Variants in OR10D3 observed in about 807,000 individuals in gnomAD.
The protein encoded by OR10D3 is olfactory receptor family 10 subfamily D member 3.
For synonymous variants in OR10D3, 100 were observed against 57.6 expected, an observed-to-expected ratio of 1.74 and a Z score of -3.33; for missense variants, 286 against 153.7, an observed-to-expected ratio of 1.86 and a Z score of -4.55.
At position 124,187,042 on chromosome 11, in the gene OR10D3, T is replaced by C. The variant is rs551214551; in HGVS notation, c.*834T>C. 11 of 152,336 alleles carry C rather than the reference T, an allele frequency of 7.2e-5. No individual in the cohort carries two copies. In the South Asian group the frequency reaches 2.3e-3, roughly 32 times the overall value. 9.4% of individuals were successfully genotyped at this position (152,336 alleles called of 1,614,324 possible). ...TTAGTGAGAACTTTCTGTTTAGTTATCATATGTATTAGATTTCTAGGTAAG... is the reference window on the plus strand; with the variant it reads ...TTAGTGAGAACTTTCTGTTTAGTTACCATATGTATTAGATTTCTAGGTAAG... On this transcript the variant is annotated 3_prime_UTR_variant, in exon 2 of 2. Transcript: ENST00000641351.
At chr11:124,186,475 G>T in exon 2 of OR10D3, 1 of 248,770 alleles carries the variant, frequency 4.0e-6, no homozygotes. Context: ...CCTGTCCCTG[G>T]AAGGAAGATC....
chr11:124,185,796 ACTT>A (rs1861217296), exon 2 of OR10D3: 1 of 703,504 alleles, frequency 1.4e-6, no homozygotes, highest in Non-Finnish European at 2.6e-6. Context: ...GAAGTGGATC[ACTT>A]CTTCTGTGAC....
chr11:124,185,558 T>A, exon 2 of OR10D3: 1 of 703,512 alleles, frequency 1.4e-6, no homozygotes, highest in Non-Finnish European at 2.6e-6. Context: ...CTACAAAGAC[T>A]GTGTCTGCCA....
At chr11:124,185,615 A>G in exon 2 of OR10D3, 1 of 703,476 alleles carries the variant, frequency 1.4e-6, no homozygotes, top group East Asian at 2.7e-5. Flanking sequence ...CTTCTTGTTT[A>G]CGGTGATGGC....
Position 124,185,523 on chromosome 11 carries a change from T to G in OR10D3, c.254T>G (p.Leu85Arg), listed in dbSNP as rs1226516229. ...ACTTGTCCCAAAATGCTGCTCTACC[T>G]TATGGGGCTGAGCCGACTCATCTCC... Residue 85 changes from leucine to arginine, a missense_variant, in exon 2 of 2, where the codon CTT (leucine) becomes CGT (arginine). Leu to Arg is a moderately radical substitution (Grantham distance 102, BLOSUM62 -2). Coordinates refer to ENST00000641351, the Ensembl canonical transcript of OR10D3. 3 of 703,392 alleles carry G rather than the reference T, an allele frequency of 4.3e-6. No individual in the cohort carries two copies. In the East Asian group the frequency reaches 8.0e-5, roughly 19 times the overall value. The allele number at this position is 703,392 out of a possible 1,614,324, so 43.6% of individuals were successfully genotyped here. A position where few individuals can be genotyped will look rare whatever the true frequency, so the allele number is the denominator to read the frequency against.
exon 2 of OR10D3, chr11:124,188,356 A>G (rs1565302905): frequency 1.3e-5 from 2 of 152,286 alleles, no homozygotes; most frequent in Non-Finnish European, 2.9e-5. Flanking sequence ...GATTGCTGGA[A>G]GGAGGAGAGA....
chr11:124,187,946 A>G (rs1212979225), exon 2 of OR10D3: 1 of 152,210 alleles, frequency 6.6e-6, no homozygotes, highest in Non-Finnish European at 1.5e-5. Context: ...ACGCTTAAAC[A>G]CTAAGAAACT....
intron 1 of OR10D3, among the ~76,000 whole-genome samples, chr11:124,184,786 C>T (rs886614457): frequency 6.6e-5 from 10 of 152,142 alleles, no homozygotes; most frequent in African/African-American, 2.4e-4. Flanking sequence ...CAGGGATCAA[C>T]CTTTATGATT....
exon 2 of OR10D3, chr11:124,185,830 G>C (rs761773309): frequency 1.0e-5 from 7 of 703,502 alleles, no homozygotes; most frequent in Non-Finnish European, 1.8e-5. Flanking sequence ...TGTTGCCCTT[G>C]GCCTGTGCTG....
chr11:124,183,454 CTCTCTCTTTCTCTT>C (rs1403658619), intron 1 of OR10D3, 71 bp downstream of exon 1: 4 of 150,852 alleles, frequency 2.7e-5, no homozygotes, highest in African/African-American at 9.8e-5. Flanking sequence ...CTCTCTCTTT[CTCTCTCTTTCTCTT>C]TCTTTCTCTT....
chr11:124,188,529 C>G (rs555930568), exon 2 of OR10D3: 1 of 152,324 alleles, frequency 6.6e-6, no homozygotes, highest in East Asian at 1.9e-4. Context: ...ATTTCTCACC[C>G]GATCTGGGCA....
exon 2 of OR10D3, chr11:124,185,418 T>G (rs553746057): frequency 1.4e-6 from 1 of 703,174 alleles, no homozygotes; most frequent in African/African-American, 1.7e-5. Flanking sequence ...GTTGCTGTTA[T>G]GTCTTCTGCT....
chr11:124,184,575 C>G (rs886367527), intron 1 of OR10D3, among the ~76,000 whole-genome samples: 2 of 151,922 alleles, frequency 1.3e-5, no homozygotes, highest in African/African-American at 4.8e-5. Flanking sequence ...CCATCCAGAC[C>G]CGGGGGAAAG....
exon 2 of OR10D3, chr11:124,185,609 T>C (rs1861213114): frequency 1.4e-6 from 1 of 703,612 alleles, no homozygotes; most frequent in Non-Finnish European, 2.6e-6. Context: ...TGAGTGCTTC[T>C]TGTTTACGGT....
chr11:124,188,176 A>G (rs927450339), exon 2 of OR10D3: 5 of 152,262 alleles, frequency 3.3e-5, no homozygotes, highest in African/African-American at 1.2e-4. Context: ...ATCTCACTGC[A>G]GCAGAGGCCA....
At chr11:124,184,865 G>A (rs748700622) in intron 1 of OR10D3, among the ~76,000 whole-genome samples, 13 of 152,024 alleles carry the variant, frequency 8.6e-5, no homozygotes, top group Admixed American at 1.3e-4. Flanking sequence ...GATGATTCCC[G>A]AATTGTGGTT....
rs1233680840 is a variant in OR10D3, at chr11:124,185,430, G to A, written c.161G>A (p.Arg54His). 29 of 703,006 alleles carry A rather than the reference G, an allele frequency of 4.1e-5. No homozygotes were observed. The East Asian group carries it at 4.3e-4, about 10-fold the overall frequency. 43.5% of individuals were successfully genotyped at this position (703,006 alleles called of 1,614,324 possible). The change falls in exon 2 of 2, where the codon CGC (arginine) becomes CAC (histidine). Residue 54 changes from arginine to histidine, a missense_variant. Physicochemically the swap from Arg to His is conservative, Grantham distance 29. Coordinates refer to ENST00000641351, the Ensembl canonical transcript of OR10D3. ...CTTGTTGCTGTTATGTCTTCTGCTC[G>A]CCTTCACACACCTATGTATTTCTTC...
intron 1 of OR10D3, 185 bp from the exon 2 acceptor site, chr11:124,185,074 A>C (rs773172747): frequency 1.8e-5 from 10 of 561,044 alleles, no homozygotes; most frequent in Non-Finnish European, 2.2e-5. Flanking sequence ...ACAGAAATGT[A>C]GTTGGCTATG....
intron 1 of OR10D3, among the ~76,000 whole-genome samples, chr11:124,183,852 G>A (rs1369404199): frequency 6.6e-6 from 1 of 152,054 alleles, no homozygotes; most frequent in Non-Finnish European, 1.5e-5. Flanking sequence ...TTATTTGCTT[G>A]GTTTATCTTT....
Sources: allele counts gnomAD v4.1 joint callset (sites outside exome capture counted in the v4.1 genomes callset), GRCh38; gene constraint gnomAD v4.1.1; transcripts MANE v1.5; gene names NCBI Gene and HGNC (gene_info 2026-07-23, HGNC 2026-07-21).